Variants in KIF5B observed in about 807,000 individuals in gnomAD.
KIF5B encodes kinesin family member 5B, also known as kinesin-1 heavy chain.
KIF5B carries 49 observed loss-of-function variants against 132.8 expected under a neutral mutation model. That is an observed-to-expected ratio of 0.37 (90% CI 0.29 to 0.47). The LOEUF is 0.47. KIF5B is among the 20% of genes least tolerant of loss of function. KIF5B has a pLI of 1.00. For synonymous variants in KIF5B, 355 were observed against 369.4 expected (o/e 0.96, Z 0.45); for missense variants, 780 against 1,144.0 (o/e 0.68, Z 4.59).
intron 1 of KIF5B, among the ~76,000 whole-genome samples, chr10:32,049,109 G>T (rs1444792218): frequency 6.6e-6 from 1 of 152,172 alleles, no homozygotes; most frequent in Non-Finnish European, 1.5e-5. Context: ...GATTACAGGT[G>T]TGAACCACCA....
At chr10:32,022,696 CAGTT>C (rs1841280350) in intron 16 of KIF5B, 148 bp downstream of exon 16, 2 of 557,406 alleles carry the variant, frequency 3.6e-6, no homozygotes, top group Non-Finnish European at 6.3e-6. Context: ...AAATATAACT[CAGTT>C]AAATCATTCA....
chr10:32,029,240 TCGA>T (rs1841369243), intron 14 of KIF5B, among the ~76,000 whole-genome samples: 1 of 152,186 alleles, frequency 6.6e-6, no homozygotes, highest in Non-Finnish European at 1.5e-5. Context: ...TCCGAAGTGC[TCGA>T]AAATCTGGGA....
intron 1 of KIF5B, among the ~76,000 whole-genome samples, chr10:32,049,451 G>A (rs891789335): frequency 2.0e-5 from 3 of 152,140 alleles, no homozygotes; most frequent in Non-Finnish European, 4.4e-5. Flanking sequence ...AGTCATGAAG[G>A]GTGAAAAAGG....
intron 2 of KIF5B, among the ~76,000 whole-genome samples, chr10:32,040,857 G>A (rs113505953): frequency 3.3e-5 from 5 of 151,790 alleles, no homozygotes; most frequent in East Asian, 1.9e-4. Flanking sequence ...GCTTGGTGGC[G>A]CGTGCCTGTA....
intron 2 of KIF5B, among the ~76,000 whole-genome samples, chr10:32,047,527 T>C (rs1841629049): frequency 6.6e-6 from 1 of 152,160 alleles, no homozygotes; most frequent in Non-Finnish European, 1.5e-5. Context: ...TTTCATGCCT[T>C]TTCCTAGAAC....
At position 32,038,170 on chromosome 10, in the gene KIF5B, T is replaced by G; in HGVS notation, c.491A>C (p.Tyr164Ser). The G allele has an allele frequency of 6.3e-7, 1 of 1,593,774 alleles. No individual in the cohort carries two copies. Among genetic ancestry groups the G allele is most frequent in the Non-Finnish European group, 8.6e-7 (1 of 1,162,974 alleles). Reference protein sequence around the residue: ...SVHEDKNRVPYVKGCTERFVC... With the variant: ...SVHEDKNRVPSVKGCTERFVC... ...CAACTGTACTATAAATACCTTTACA[T>G]AGGGAACTCGGTTTTTGTCTTCATG... Residue 164 changes from tyrosine (Y) to serine (S), a missense_variant, in exon 6 of 26, where the codon TAT (tyrosine) becomes TCT (serine). This residue lies in a region of KIF5B where 76 missense variants were observed against 146.4 expected (regional missense o/e 0.52). Coordinates refer to ENST00000302418, the MANE Select transcript of KIF5B (RefSeq NM_004521.3).
intron 8 of KIF5B, 83 bp downstream of exon 8, chr10:32,037,171 A>T: frequency 7.5e-7 from 1 of 1,337,164 alleles, no homozygotes; most frequent in Non-Finnish European, 1.0e-6. Context: ...GTAAGATGCA[A>T]CAATGAACCC....
Position 32,037,502 on chromosome 10 carries a change from G to C in KIF5B, c.586+18C>G. On this transcript the variant is annotated intron_variant, in intron 7 of 25. Coordinates refer to ENST00000302418, the MANE Select transcript of KIF5B (RefSeq NM_004521.3). ...TTAAGCTGGTTTTAAATCCTAACCA[G>C]TGTTATTTTCTACTTACTTGTAACT... 6.3e-7 allele frequency: 1 copy of C among 1,597,814 alleles called. No individual in the cohort carries two copies. Among genetic ancestry groups the C allele is most frequent in the Non-Finnish European group, 8.6e-7 (1 of 1,165,454 alleles).
At chr10:32,044,310 T>C (rs748446817) in intron 2 of KIF5B, among the ~76,000 whole-genome samples, 2 of 152,202 alleles carry the variant, frequency 1.3e-5, no homozygotes, top group Non-Finnish European at 2.9e-5. Flanking sequence ...ACAGTAGAAA[T>C]AGCTGAGACT....
rs211300 is a variant in KIF5B, at chr10:32,056,210, A to G, written c.-237T>C. On this transcript the variant is annotated 5_prime_UTR_variant, in exon 1 of 26. Coordinates refer to ENST00000302418, the MANE Select transcript of KIF5B (RefSeq NM_004521.3). ...CCATCATGGCAGCCATGGCGGCGGC[A>G]GCGGCGGCGGCACCGGGGAGAGCGT... 107,083 of 493,216 alleles carry G rather than the reference A, an allele frequency of 0.22. 12,325 individuals carry two copies. Among genetic ancestry groups the G allele is most frequent in the Middle Eastern group, 0.28 (497 of 1,800 alleles). 30.6% of individuals were successfully genotyped at this position (493,216 alleles called of 1,614,324 possible).
At chr10:32,019,539 G>A (rs891465887) in intron 20 of KIF5B, among the ~76,000 whole-genome samples, 2 of 152,090 alleles carry the variant, frequency 1.3e-5, no homozygotes, top group South Asian at 2.1e-4. Flanking sequence ...TAAAATCTTC[G>A]AAGTTACTTA....
intron 2 of KIF5B, among the ~76,000 whole-genome samples, chr10:32,042,313 G>T (rs1490372230): frequency 6.6e-6 from 1 of 152,156 alleles, no homozygotes; most frequent in Non-Finnish European, 1.5e-5. Context: ...AAGATTTTAA[G>T]AGACTCCAAA....
At chr10:32,025,557 G>GT in intron 15 of KIF5B, among the ~76,000 whole-genome samples, 1 of 152,106 alleles carries the variant, frequency 6.6e-6, no homozygotes, top group South Asian at 2.1e-4. Flanking sequence ...TTTATTTTTT[G>GT]TAGAGATGGG....
At chr10:32,035,373 C>A (rs960724337) in intron 10 of KIF5B, 149 bp downstream of exon 10, 1 of 569,354 alleles carries the variant, frequency 1.8e-6, no homozygotes, top group African/African-American at 1.9e-5. Context: ...AAAAATCAGA[C>A]CCACCTTGTA....
rs1465041292 is a variant in KIF5B, at chr10:32,033,923, A to G, written c.1227T>C (p.Val409=). ...TTTCAGCATCAGTAAAATTTCCTAT[A>G]ACTCCAATTGCGGTTGCTGGTTTAT... ...TNDKPATAIG[V]IGNFTDAERR... Residue 409 remains valine, a synonymous_variant, in exon 12 of 26, where the codon GTT becomes GTC. Transcript: ENST00000302418. 2 of 1,613,228 alleles carry G rather than the reference A, an allele frequency of 1.2e-6. No individual in the cohort carries two copies. The highest frequency in any genetic ancestry group is 1.7e-4 in the Middle Eastern group (1 of 6,060).
chr10:32,038,274 A>G (rs1841486707), intron 5 of KIF5B, 56 bp from the exon 6 acceptor site: 2 of 1,185,078 alleles, frequency 1.7e-6, no homozygotes, highest in African/African-American at 1.5e-5. Flanking sequence ...AACACTGGAT[A>G]TGAAATAACT....
Position 32,009,930 on chromosome 10 carries a change from T to C in KIF5B, c.*1607A>G, listed in dbSNP as rs1205195238. ...TTGCAGACTACAACAGCAAAGATTTTTGACTATTAAAAAAATAAATAAATA... is the reference window on the plus strand; with the variant it reads ...TTGCAGACTACAACAGCAAAGATTTCTGACTATTAAAAAAATAAATAAATA... On this transcript the variant is annotated 3_prime_UTR_variant, in exon 26 of 26. Coordinates refer to ENST00000302418, the MANE Select transcript of KIF5B (RefSeq NM_004521.3). 1 of 152,188 alleles carries C rather than the reference T, an allele frequency of 6.6e-6. No homozygotes were observed. The highest frequency in any genetic ancestry group is 1.9e-4 in the East Asian group (1 of 5,190). The allele number at this position is 152,188 out of a possible 1,614,324, so 9.4% of individuals were successfully genotyped here. A position where few individuals can be genotyped will look rare whatever the true frequency, so the allele number is the denominator to read the frequency against.
rs2132587426 is a variant in KIF5B at position 32,022,830 on chromosome 10, C to A, written c.1914+18G>T. 6.7e-7 allele frequency: 1 copy of A among 1,490,454 alleles called. No individual in the cohort carries two copies. The highest frequency in any genetic ancestry group is 9.0e-7 in the Non-Finnish European group (1 of 1,107,244). 92.3% of individuals were successfully genotyped at this position (1,490,454 alleles called of 1,614,324 possible). ...TGGCTGTTTCAAAAAAATGAATAAA[C>A]TTTGTTCTATAACATACTTGAGAGA... On this transcript the variant is annotated intron_variant, in intron 16 of 25. Transcript: ENST00000302418.
intron 1 of KIF5B, among the ~76,000 whole-genome samples, chr10:32,053,911 T>C (rs1322190588): frequency 6.6e-6 from 1 of 152,210 alleles, no homozygotes; most frequent in Non-Finnish European, 1.5e-5. Flanking sequence ...TAAGCAACTT[T>C]TTCCCAATGG....
Sources: gnomAD v4.1 joint callset for allele counts (sites outside exome capture counted in the v4.1 genomes callset) on GRCh38, gnomAD v4.1.1 for gene constraint, gnomAD v4.1.1 regional missense constraint, MANE v1.5 for transcripts, NCBI Gene and HGNC (gene_info 2026-07-23, HGNC 2026-07-21) for gene names.